Variants in PALLD observed in about 807,000 individuals in gnomAD.
PALLD encodes palladin, cytoskeletal associated protein, also known as palladin.
Under a neutral mutation model 123.5 loss-of-function variants are expected in PALLD, and 61 were observed. The observed-to-expected ratio is 0.49, with a 90% CI of 0.40 to 0.61. The LOEUF (loss-of-function observed/expected upper bound fraction) is 0.61, where lower values mean the gene tolerates loss of function less well. PALLD is among the 20% of genes least tolerant of loss of function. PALLD has a pLI of 0.00. For synonymous variants in PALLD, 465 were observed against 496.4 expected (o/e 0.94, Z 0.84); for missense variants, 1,273 against 1,377.0 (o/e 0.92, Z 1.20).
intron 2 of PALLD, among the ~76,000 whole-genome samples, chr4:168,519,878 C>T (rs1031502628): frequency 6.8e-6 from 1 of 146,886 alleles, no homozygotes; most frequent in African/African-American, 2.6e-5. Context: ...TTTTCTTATT[C>T]TTTTATTTCT....
At chr4:168,861,430 A>C (rs1177555482) in intron 10 of PALLD, among the ~76,000 whole-genome samples, 4 of 152,180 alleles carry the variant, frequency 2.6e-5, no homozygotes, top group Non-Finnish European at 5.9e-5. Flanking sequence ...GGGAAGAAAA[A>C]GTAAGAGATG....
rs571852653 is a variant in PALLD, at chr4:168,652,772, G to T, written c.909-15418G>T. On this transcript the variant is annotated intron_variant, in intron 2 of 21. Transcript: ENST00000505667. ...AACAGGGAAACATCATAGTATTTTT[G>T]TGTGTGTGTGCTGAATCTAAGCTCC... Among the ~76,000 whole-genome samples, 14 of 152,274 alleles carry T rather than the reference G, an allele frequency of 9.2e-5. No homozygotes were observed. The South Asian group carries it at 1.2e-3, about 14-fold the overall frequency.
At chr4:168,628,651 CT>C (rs1206068963) in intron 2 of PALLD, among the ~76,000 whole-genome samples, 1 of 152,168 alleles carries the variant, frequency 6.6e-6, no homozygotes, top group East Asian at 1.9e-4. Context: ...AAAGCTGCCC[CT>C]GGCCGCTCCG....
At chr4:168,640,686 C>A (rs1476371194) in intron 2 of PALLD, among the ~76,000 whole-genome samples, 1 of 152,190 alleles carries the variant, frequency 6.6e-6, no homozygotes, top group Non-Finnish European at 1.5e-5. Context: ...AATATTTGCA[C>A]TTATAAATCA....
intron 8 of PALLD, among the ~76,000 whole-genome samples, chr4:168,703,924 T>C (rs1448710337): frequency 6.6e-6 from 1 of 151,938 alleles, no homozygotes; most frequent in Non-Finnish European, 1.5e-5. Flanking sequence ...TTAGATCCCA[T>C]GTGTCAATTT....
intron 10 of PALLD, among the ~76,000 whole-genome samples, chr4:168,769,849 A>C (rs1379751266): frequency 6.6e-6 from 1 of 152,166 alleles, no homozygotes; most frequent in Admixed American, 6.5e-5. Context: ...CTGATGTAAA[A>C]TCTTGCTGGT....
At chr4:168,573,807 G>C (rs1173421681) in intron 2 of PALLD, among the ~76,000 whole-genome samples, 2 of 152,072 alleles carry the variant, frequency 1.3e-5, no homozygotes, top group Non-Finnish European at 2.9e-5. Flanking sequence ...TGGAAAAACA[G>C]TAACCCTGGT....
At chr4:168,772,403 T>C (rs1734578046) in intron 10 of PALLD, among the ~76,000 whole-genome samples, 1 of 152,166 alleles carries the variant, frequency 6.6e-6, no homozygotes, top group East Asian at 1.9e-4. Flanking sequence ...TTTGCAAGTC[T>C]CTCACTTTGC....
chr4:168,624,141 G>C (rs1054056588), intron 2 of PALLD, among the ~76,000 whole-genome samples: 3 of 151,876 alleles, frequency 2.0e-5, no homozygotes, highest in Admixed American at 6.6e-5. Context: ...ACAAAAAATT[G>C]TTATCAAAAT....
intron 10 of PALLD, among the ~76,000 whole-genome samples, chr4:168,748,530 T>G (rs1730612919): frequency 6.6e-6 from 1 of 152,188 alleles, no homozygotes; most frequent in African/African-American, 2.4e-5. Flanking sequence ...TTTAGTGGCT[T>G]AAAACACCCC....
chr4:168,595,029 C>T (rs1430555899), intron 2 of PALLD, among the ~76,000 whole-genome samples: 1 of 152,018 alleles, frequency 6.6e-6, no homozygotes, highest in Non-Finnish European at 1.5e-5. Flanking sequence ...TGCATTTGAA[C>T]CAGTCATTTT....
intron 10 of PALLD, among the ~76,000 whole-genome samples, chr4:168,847,328 AG>A (rs1442581721): frequency 6.6e-6 from 1 of 152,236 alleles, no homozygotes; most frequent in African/African-American, 2.4e-5. Flanking sequence ...TCATTAATAA[AG>A]AATGGTTTAT....
chr4:168,878,795 T>C lies in PALLD; in HGVS notation c.1965-12127T>C, dbSNP rs1218147896. Among the ~76,000 whole-genome samples, 3 of 152,046 alleles carry C rather than the reference T, an allele frequency of 2.0e-5. No individual in the cohort carries two copies. In the East Asian group the frequency reaches 5.8e-4, roughly 29 times the overall value. On this transcript the variant is annotated intron_variant, in intron 10 of 21. Transcript: ENST00000505667. ...GGTAGCATTGCCCCAGTTAAAGTAC[T>C]GAGGAGTCTAGGAGTTAAATAAATT...
chr4:168,768,626 A>T (rs532442242), intron 10 of PALLD, among the ~76,000 whole-genome samples: 1 of 152,378 alleles, frequency 6.6e-6, no homozygotes, highest in South Asian at 2.1e-4. Context: ...ATAGACTAAC[A>T]TAAAAAATAA....
chr4:168,897,673 A>T (rs1755511702), intron 13 of PALLD, among the ~76,000 whole-genome samples: 1 of 152,124 alleles, frequency 6.6e-6, no homozygotes, highest in Non-Finnish European at 1.5e-5. Flanking sequence ...GCTGGTCTCA[A>T]ACTCCTGGCC....
At chr4:168,712,619 A>T (rs1364953701) in intron 10 of PALLD, among the ~76,000 whole-genome samples, 1 of 152,202 alleles carries the variant, frequency 6.6e-6, no homozygotes, top group African/African-American at 2.4e-5. Flanking sequence ...TGTCAGAGAG[A>T]GGCAGAAATA....
rs56067005 is a variant in PALLD, at chr4:168,513,067, G to GA, written c.908+667dup. ...TATCCCCGAATGTAAAAGTTGGAAA[G>GA]AAAAAAAAAAAAGATTCTCATATAC... On this transcript the variant is annotated intron_variant, in intron 2 of 21. Transcript: ENST00000505667. 1.9e-3 allele frequency among the ~76,000 whole-genome samples: 270 copies of GA among 140,028 alleles called. 1 individual carries two copies. The highest frequency in any genetic ancestry group is 6.5e-3 in the African/African-American group (245 of 37,646). 91.9% of individuals were successfully genotyped at this position (140,028 alleles called of 152,430 possible).
chr4:168,901,161 C>T (rs1756429953), intron 14 of PALLD, among the ~76,000 whole-genome samples: 1 of 152,158 alleles, frequency 6.6e-6, no homozygotes, highest in Non-Finnish European at 1.5e-5. Context: ...TCTTCCCTCT[C>T]TCATTTATTA....
rs869040811 is a variant in PALLD, at chr4:168,719,252, CTTT to C, written c.1964+7350_1964+7352del. ...CTAAGTAATTATCAAAAGTAATCTT[CTTT>C]TTTTTTTTTTTTTTTTTTTTGAGAA... On this transcript the variant is annotated intron_variant, in intron 10 of 21. Coordinates refer to ENST00000505667, the MANE Select transcript of PALLD (RefSeq NM_001166108.2). Among the ~76,000 whole-genome samples, 26 of 85,712 alleles carry C rather than the reference CTTT, an allele frequency of 3.0e-4. 1 individual carries two copies. Among genetic ancestry groups the C allele is most frequent in the East Asian group, 2.9e-3 (9 of 3,130 alleles). The allele number at this position is 85,712 out of a possible 152,430, so 56.2% of individuals were successfully genotyped here.
Sources: gnomAD v4.1 joint callset for allele counts (sites outside exome capture counted in the v4.1 genomes callset) on GRCh38, gnomAD v4.1.1 for gene constraint, MANE v1.5 for transcripts, NCBI Gene and HGNC (gene_info 2026-07-23, HGNC 2026-07-21) for gene names.